PHF14: variants seen among roughly 807,000 people sequenced by gnomAD.
PHF14 encodes PHD finger protein 14.
Under a neutral mutation model 117.9 loss-of-function variants are expected in PHF14, and 55 were observed. That is an observed-to-expected ratio of 0.47 (90% CI 0.38 to 0.58). PHF14 has a LOEUF of 0.58. Ranked by LOEUF, PHF14 falls within the 20% of genes least tolerant of loss-of-function variation. The probability of loss-of-function intolerance (pLI) is 0.00; values close to 1 mark genes in which losing one functional copy is unlikely to be tolerated. For missense variants in PHF14, 978 were observed against 1,122.2 expected (o/e 0.87, Z 1.84); for synonymous variants, 409 against 368.6 (o/e 1.11, Z -1.26).
At chr7:11,034,714 A>G (rs758653422) in intron 7 of PHF14, among the ~76,000 whole-genome samples, 4 of 151,642 alleles carry the variant, frequency 2.6e-5, no homozygotes, top group Non-Finnish European at 5.9e-5. Flanking sequence ...GTGCCTGGCT[A>G]ATTTTTGTAC....
chr7:11,127,740 G>T (rs1156422480), intron 17 of PHF14, among the ~76,000 whole-genome samples: 1 of 151,922 alleles, frequency 6.6e-6, no homozygotes, highest in African/African-American at 2.4e-5. Flanking sequence ...ACCAAATTTT[G>T]TGTAAGACTT....
chr7:11,008,706 G>T (rs1318996277), intron 4 of PHF14, among the ~76,000 whole-genome samples: 4 of 152,066 alleles, frequency 2.6e-5, no homozygotes, highest in Non-Finnish European at 5.9e-5. Context: ...GCATGTTGTA[G>T]GTACTGTCTT....
chr7:11,123,175 T>A (rs556089120), intron 17 of PHF14, among the ~76,000 whole-genome samples: 1 of 152,140 alleles, frequency 6.6e-6, no homozygotes, highest in Admixed American at 6.6e-5. Flanking sequence ...ACACCCATTT[T>A]GCAACAGGAA....
intron 17 of PHF14, among the ~76,000 whole-genome samples, chr7:11,126,879 A>G (rs1787943961): frequency 6.6e-6 from 1 of 151,970 alleles, no homozygotes; most frequent in South Asian, 2.1e-4. Context: ...TTTGTTCTTC[A>G]TATTAAATGC....
chr7:11,044,962 T>G (rs1004194611), intron 13 of PHF14, among the ~76,000 whole-genome samples: 3 of 152,156 alleles, frequency 2.0e-5, no homozygotes, highest in Admixed American at 2.0e-4. Context: ...GACTGTAATG[T>G]CAGTGCTCAA....
chr7:11,120,426 A>C (rs990056787), intron 17 of PHF14, among the ~76,000 whole-genome samples: 9 of 152,048 alleles, frequency 5.9e-5, no homozygotes, highest in Non-Finnish European at 1.0e-4. Flanking sequence ...TAACCTGAAG[A>C]GTAATTTTCT....
chr7:11,068,626 AGT>A (rs899680168), intron 16 of PHF14, among the ~76,000 whole-genome samples: 38 of 152,184 alleles, frequency 2.5e-4, no homozygotes, highest in African/African-American at 8.9e-4. Context: ...GTTGCACAAC[AGT>A]GTGAATGTGA....
At chr7:11,021,920 C>T (rs76241129) in intron 5 of PHF14, among the ~76,000 whole-genome samples, 3,157 of 152,216 alleles carry the variant, frequency 0.021, 115 homozygotes, top group African/African-American at 0.071. Flanking sequence ...CATGCATAGC[C>T]TCTGAAGTTG....
intron 17 of PHF14, among the ~76,000 whole-genome samples, chr7:11,158,276 T>C (rs1788923965): frequency 6.6e-6 from 1 of 152,134 alleles, no homozygotes; most frequent in Non-Finnish European, 1.5e-5. Context: ...CTTTTTGTTC[T>C]TTTGAAGAGT....
At chr7:11,018,003 A>G (rs995226896) in intron 5 of PHF14, among the ~76,000 whole-genome samples, 1 of 152,072 alleles carries the variant, frequency 6.6e-6, no homozygotes, top group African/African-American at 2.4e-5. Context: ...TTCCAGCACC[A>G]TTTGTTGAAG....
intron 13 of PHF14, among the ~76,000 whole-genome samples, chr7:11,044,007 A>G (rs540445287): frequency 2.4e-4 from 37 of 152,276 alleles, no homozygotes; most frequent in Non-Finnish European, 4.9e-4. Flanking sequence ...AACACACACA[A>G]AAAAAGGGAA....
intron 4 of PHF14, chr7:11,006,474 T>G (rs1783101910): frequency 3.7e-6 from 2 of 541,892 alleles, no homozygotes; most frequent in African/African-American, 3.8e-5. Context: ...CCTTCTTTTC[T>G]CCATCAGGCC....
chr7:11,033,927 A>G (rs373504024), intron 7 of PHF14, among the ~76,000 whole-genome samples: 1 of 152,186 alleles, frequency 6.6e-6, no homozygotes, highest in Admixed American at 6.6e-5. Flanking sequence ...TTAAAGCTAT[A>G]TGAAGTAATT....
intron 4 of PHF14, among the ~76,000 whole-genome samples, chr7:11,009,763 C>A (rs1481194102): frequency 6.6e-6 from 1 of 152,152 alleles, no homozygotes; most frequent in Non-Finnish European, 1.5e-5. Flanking sequence ...GATCATTTTT[C>A]AGGGACAGTG....
At chr7:11,059,789 C>A (rs1233372186) in intron 14 of PHF14, among the ~76,000 whole-genome samples, 1 of 151,972 alleles carries the variant, frequency 6.6e-6, no homozygotes, top group Non-Finnish European at 1.5e-5. Flanking sequence ...AAGAAAAAAG[C>A]CCTGTAAATA....
At chr7:11,125,684 ATTTCAGACTTTTACAAGTTG>A (rs887863063) in intron 17 of PHF14, among the ~76,000 whole-genome samples, 1 of 151,914 alleles carries the variant, frequency 6.6e-6, no homozygotes, top group African/African-American at 2.4e-5. Context: ...TCTTTTTGTG[ATTTCAGACTTTTACAAGTTG>A]TTTTATGTTT....
intron 16 of PHF14, among the ~76,000 whole-genome samples, chr7:11,082,621 T>C (rs1786193358): frequency 6.6e-6 from 1 of 152,216 alleles, no homozygotes; most frequent in Admixed American, 6.5e-5. Context: ...CTTCCCAGTC[T>C]TCCTTATATC....
chr7:11,083,036 CT>C (rs1409907591), intron 16 of PHF14, among the ~76,000 whole-genome samples: 1 of 152,160 alleles, frequency 6.6e-6, no homozygotes, highest in Non-Finnish European at 1.5e-5. Context: ...CTTCTACCCC[CT>C]CTCCCCTCTC....
intron 14 of PHF14, among the ~76,000 whole-genome samples, chr7:11,057,666 T>G (rs1483204): frequency 0.4 from 61,230 of 151,996 alleles, 13,074 homozygotes; most frequent in East Asian, 0.85. Context: ...GAGCCACTGT[T>G]CCCGGCCTGA....
Sources: gnomAD v4.1 joint callset for allele counts (sites outside exome capture counted in the v4.1 genomes callset) on GRCh38, gnomAD v4.1.1 for gene constraint, MANE v1.5 for transcripts, NCBI Gene and HGNC (gene_info 2026-07-23, HGNC 2026-07-21) for gene names.